The following SNTB1 variants were observed in gnomAD, a reference collection of about 807,000 sequenced individuals.
The protein encoded by SNTB1 is beta-1-syntrophin.
SNTB1 carries 36 observed loss-of-function variants against 48.9 expected under a neutral mutation model. The observed-to-expected ratio is 0.74, with a 90% CI of 0.56 to 0.97. The LOEUF is 0.97. Ranked by LOEUF, SNTB1 falls within the 50% of genes least tolerant of loss-of-function variation. SNTB1 has a pLI of 0.00. For synonymous variants in SNTB1, 299 were observed against 294.6 expected, an observed-to-expected ratio of 1.01 and a Z score of -0.15; for missense variants, 786 against 703.4, an observed-to-expected ratio of 1.12 and a Z score of -1.33.
At chr8:120,592,832 T>G (rs575565752) in intron 3 of SNTB1, among the ~76,000 whole-genome samples, 1 of 152,336 alleles carries the variant, frequency 6.6e-6, no homozygotes, top group Non-Finnish European at 1.5e-5. Context: ...TAATTCTGAA[T>G]AAGTGAATTA....
chr8:120,722,268 G>C (rs931199403), intron 1 of SNTB1, among the ~76,000 whole-genome samples: 2 of 152,108 alleles, frequency 1.3e-5, no homozygotes, highest in Non-Finnish European at 2.9e-5. Flanking sequence ...CCCAGTAATG[G>C]GATTGCTGGG....
At position 120,647,177 on chromosome 8, in the gene SNTB1, C is replaced by T. The variant is rs1049773248; in HGVS notation, c.789-14526G>A. Among the ~76,000 whole-genome samples the T allele has an allele frequency of 4.9e-3, 670 of 136,242 alleles. 3 individuals are homozygous for T. The highest frequency in any genetic ancestry group is 5.9e-3 in the Non-Finnish European group (374 of 63,220). 89.4% of individuals were successfully genotyped at this position (136,242 alleles called of 152,430 possible). On this transcript the variant is annotated intron_variant, in intron 2 of 6. Coordinates refer to ENST00000517992, the MANE Select transcript of SNTB1 (RefSeq NM_021021.4). ...TGTCTCTATTTCCTTCAGTTCTGCT[C>T]TGATTTTAGTTATTTCTTGACTTCT...
intron 1 of SNTB1, among the ~76,000 whole-genome samples, chr8:120,705,752 T>C (rs1447769764): frequency 1.3e-5 from 2 of 152,220 alleles, no homozygotes; most frequent in African/African-American, 2.4e-5. Flanking sequence ...TTACCAAGCA[T>C]AAAATTGTGC....
At chr8:120,687,246 T>G (rs1307533260) in intron 2 of SNTB1, among the ~76,000 whole-genome samples, 3 of 152,184 alleles carry the variant, frequency 2.0e-5, no homozygotes, top group Non-Finnish European at 2.9e-5. Flanking sequence ...ACTAAAGTAT[T>G]TGGAAACATC....
chr8:120,724,670 G>A (rs1376878876), intron 1 of SNTB1, among the ~76,000 whole-genome samples: 4 of 152,132 alleles, frequency 2.6e-5, no homozygotes, highest in African/African-American at 7.2e-5. Flanking sequence ...TTAATGAAAT[G>A]GAAAGCCAGA....
rs142823228 is a variant in SNTB1 at position 120,771,485 on chromosome 8, C to T, written c.571+39788G>A. Among the ~76,000 whole-genome samples the T allele has an allele frequency of 5.0e-3, 758 of 152,284 alleles. 7 individuals are homozygous for T. Among genetic ancestry groups the T allele is most frequent in the African/African-American group, 0.018 (737 of 41,546 alleles). The stretch of plus-strand genomic sequence containing the variant: ...TGCATCACAAGTGTTTAAATTTCTT[C>T]GCTAAGAAAACAAATGCATTAAGAT... On this transcript the variant is annotated intron_variant, in intron 1 of 6. Transcript: ENST00000517992.
intron 1 of SNTB1, among the ~76,000 whole-genome samples, chr8:120,760,659 C>T (rs1283420861): frequency 2.0e-5 from 3 of 151,958 alleles, no homozygotes; most frequent in Non-Finnish European, 4.4e-5. Flanking sequence ...GAAAAGTAAC[C>T]ATTTTTAAAT....
chr8:120,709,419 C>T (rs1380566637), intron 1 of SNTB1, among the ~76,000 whole-genome samples: 1 of 152,040 alleles, frequency 6.6e-6, no homozygotes, highest in Non-Finnish European at 1.5e-5. Flanking sequence ...AGATAAAGGT[C>T]AACAGACAGC....
intron 1 of SNTB1, among the ~76,000 whole-genome samples, chr8:120,801,946 T>A (rs1465208182): frequency 6.6e-6 from 1 of 152,168 alleles, no homozygotes; most frequent in Non-Finnish European, 1.5e-5. Flanking sequence ...GTTCCCTTTC[T>A]GAGTGATGGG....
intron 4 of SNTB1, 145 bp downstream of exon 4, chr8:120,574,941 G>T: frequency 2.2e-6 from 2 of 913,028 alleles, no homozygotes; most frequent in Non-Finnish European, 1.7e-6. Context: ...TAATCTATGT[G>T]GCTAAAAATG....
At chr8:120,583,514 AACACACACACACACACACACACACACAC>A (rs10524445) in intron 3 of SNTB1, among the ~76,000 whole-genome samples, 4 of 143,074 alleles carry the variant, frequency 2.8e-5, no homozygotes, top group Admixed American at 7.0e-5. Context: ...TCCGTCTCAA[AACACACACACACACACACACACACACAC>A]ACACACACAC....
intron 2 of SNTB1, among the ~76,000 whole-genome samples, chr8:120,650,733 C>T (rs192428896): frequency 6.6e-6 from 1 of 152,314 alleles, no homozygotes; most frequent in East Asian, 1.9e-4. Flanking sequence ...TTTACCAAAA[C>T]GTGATCCAGT....
chr8:120,652,339 T>C (rs1817422192), intron 2 of SNTB1, among the ~76,000 whole-genome samples: 1 of 152,196 alleles, frequency 6.6e-6, no homozygotes, highest in Non-Finnish European at 1.5e-5. Flanking sequence ...CCAGAGTTTC[T>C]ACTGAATGCA....
At chr8:120,739,551 G>C (rs749176721) in intron 1 of SNTB1, among the ~76,000 whole-genome samples, 5 of 152,204 alleles carry the variant, frequency 3.3e-5, no homozygotes, top group Non-Finnish European at 7.4e-5. Context: ...ATTATCTTTT[G>C]TAGAGGAATT....
intron 2 of SNTB1, among the ~76,000 whole-genome samples, chr8:120,684,534 G>A (rs1244078518): frequency 6.6e-6 from 1 of 152,028 alleles, no homozygotes; most frequent in Non-Finnish European, 1.5e-5. Flanking sequence ...AATCAGACAA[G>A]TTATGCATTT....
At chr8:120,807,354 G>A (rs745373887) in intron 1 of SNTB1, among the ~76,000 whole-genome samples, 1 of 152,198 alleles carries the variant, frequency 6.6e-6, no homozygotes, top group African/African-American at 2.4e-5. Context: ...AGCTCCAGAG[G>A]GTGCGATTGA....
chr8:120,643,217 G>A (rs961730424), intron 2 of SNTB1, among the ~76,000 whole-genome samples: 1 of 152,214 alleles, frequency 6.6e-6, no homozygotes, highest in Middle Eastern at 3.2e-3. Context: ...GAACTGCTAT[G>A]CCTTTTCTGA....
intron 1 of SNTB1, among the ~76,000 whole-genome samples, chr8:120,783,851 T>C (rs1819871381): frequency 6.6e-6 from 1 of 152,198 alleles, no homozygotes; most frequent in Non-Finnish European, 1.5e-5. Flanking sequence ...TATTTTAAAA[T>C]AACGCAAGTA....
rs1819231664 is a variant in SNTB1 at position 120,752,265 on chromosome 8, T to C, written c.572-58357A>G. 2.0e-5 allele frequency among the ~76,000 whole-genome samples: 3 copies of C among 152,140 alleles called. No homozygotes were observed. In the South Asian group the frequency reaches 6.2e-4, roughly 32 times the overall value. ...AAGTTAGCACATTATAATATATCTG[T>C]GTATATGTATATATGCATATATCAT... On this transcript the variant is annotated intron_variant, in intron 1 of 6. Coordinates refer to ENST00000517992, the MANE Select transcript of SNTB1 (RefSeq NM_021021.4).
Sources: allele counts gnomAD v4.1 joint callset (sites outside exome capture counted in the v4.1 genomes callset), GRCh38; gene constraint gnomAD v4.1.1; transcripts MANE v1.5; gene names NCBI Gene and HGNC (gene_info 2026-07-23, HGNC 2026-07-21).